The following ARMH4 variants were observed in gnomAD, a reference collection of about 807,000 sequenced individuals.
ARMH4 encodes armadillo like helical domain containing 4, also known as armadillo-like helical domain-containing protein 4.
ARMH4 carries 49 observed loss-of-function variants against 61.9 expected under a neutral mutation model. The observed-to-expected ratio is 0.79, with a 90% CI of 0.63 to 1.00. The LOEUF (loss-of-function observed/expected upper bound fraction) is 1.00, where lower values mean the gene tolerates loss of function less well. ARMH4 is among the 50% of genes least tolerant of loss of function. ARMH4 has a pLI of 0.00. For synonymous variants in ARMH4, 368 were observed against 341.5 expected, an observed-to-expected ratio of 1.08 and a Z score of -0.85; for missense variants, 934 against 930.0, an observed-to-expected ratio of 1.00 and a Z score of -0.06.
chr14:58,010,637 T>C (rs1882373968), intron 6 of ARMH4, among the ~76,000 whole-genome samples: 1 of 151,934 alleles, frequency 6.6e-6, no homozygotes, highest in Non-Finnish European at 1.5e-5. Context: ...TTTCTCTTGA[T>C]AAAAAGGAGC....
chr14:58,131,313 T>C, intron 4 of ARMH4, 199 bp downstream of exon 4: 1 of 493,328 alleles, frequency 2.0e-6, no homozygotes, highest in Admixed American at 3.7e-5. Flanking sequence ...TTTTCAATCA[T>C]TTCAAAATGT....
intron 4 of ARMH4, among the ~76,000 whole-genome samples, chr14:58,107,498 G>T (rs1247372339): frequency 1.3e-5 from 2 of 152,110 alleles, no homozygotes; most frequent in Admixed American, 6.5e-5. Context: ...GGATGCAGTG[G>T]CTCACGGCTG....
chr14:58,015,707 A>G (rs982361395), intron 5 of ARMH4, among the ~76,000 whole-genome samples: 2 of 151,482 alleles, frequency 1.3e-5, no homozygotes, highest in Admixed American at 6.6e-5. Flanking sequence ...AAATGATAAG[A>G]GAATGCAATG....
intron 5 of ARMH4, among the ~76,000 whole-genome samples, chr14:58,091,448 T>C (rs973664130): frequency 2.0e-5 from 3 of 152,310 alleles, no homozygotes; most frequent in Non-Finnish European, 4.4e-5. Flanking sequence ...TCTGGACTTC[T>C]TGTTTTGAGG....
At position 58,123,103 on chromosome 14, in the gene ARMH4, A is replaced by G. The variant is rs1179552960; in HGVS notation, c.1831+8409T>C. Reference sequence around the variant, plus strand: ...CAGTCACTAGATACTTCTCCCAGCCACTAAGTTTTGACTGAGGAGCTTTAC... The same window carrying G: ...CAGTCACTAGATACTTCTCCCAGCCGCTAAGTTTTGACTGAGGAGCTTTAC... On this transcript the variant is annotated intron_variant, in intron 4 of 7. Transcript: ENST00000267485. Among the ~76,000 whole-genome samples the G allele has an allele frequency of 3.3e-5, 5 of 152,154 alleles. No individual in the cohort carries two copies. In the East Asian group the frequency reaches 9.6e-4, roughly 29 times the overall value.
At chr14:58,042,122 C>A (rs1156229505) in intron 5 of ARMH4, among the ~76,000 whole-genome samples, 1 of 152,118 alleles carries the variant, frequency 6.6e-6, no homozygotes, top group Non-Finnish European at 1.5e-5. Context: ...GAACTCTCCA[C>A]CCCAAGTCAA....
chr14:58,090,916 A>T (rs1885538288), intron 5 of ARMH4, among the ~76,000 whole-genome samples: 1 of 149,132 alleles, frequency 6.7e-6, no homozygotes, highest in African/African-American at 2.5e-5. Flanking sequence ...AAAAGAAAAA[A>T]AAGAAAGAAG....
rs1316881569 is a variant in ARMH4, at chr14:58,042,808, A to T, written c.2090-30658T>A. 2.6e-4 allele frequency among the ~76,000 whole-genome samples: 39 copies of T among 152,226 alleles called. 1 individual carries two copies. The highest frequency in any genetic ancestry group is 1.7e-3 in the East Asian group (9 of 5,190). On this transcript the variant is annotated intron_variant, in intron 5 of 7. Transcript: ENST00000267485. ...AATACAAACTACCATCAGAGAATAC[A>T]ATAAACACCTCTACACAAATAAACT...
At chr14:58,136,599 A>G (rs1431817373) in intron 2 of ARMH4, among the ~76,000 whole-genome samples, 20 of 152,160 alleles carry the variant, frequency 1.3e-4, no homozygotes, top group Admixed American at 1.3e-3. Flanking sequence ...TTCAATCTCA[A>G]CACCTTATAA....
chr14:58,016,472 A>C (rs1882619769), intron 5 of ARMH4, among the ~76,000 whole-genome samples: 1 of 152,210 alleles, frequency 6.6e-6, no homozygotes, highest in African/African-American at 2.4e-5. Flanking sequence ...TGATTGATTA[A>C]TTGGGTAGTA....
At chr14:58,100,001 A>C (rs1028480107) in intron 4 of ARMH4, among the ~76,000 whole-genome samples, 3 of 152,202 alleles carry the variant, frequency 2.0e-5, no homozygotes, top group Non-Finnish European at 4.4e-5. Context: ...CCTGGTGCAT[A>C]CTGGACAGGT....
chr14:58,022,661 A>G (rs944325176), intron 5 of ARMH4, among the ~76,000 whole-genome samples: 2 of 152,138 alleles, frequency 1.3e-5, no homozygotes, highest in Admixed American at 6.6e-5. Flanking sequence ...TCACCTCCCA[A>G]ATAAACTCCT....
chr14:58,119,114 T>A (rs1040683219), intron 4 of ARMH4, among the ~76,000 whole-genome samples: 17 of 152,334 alleles, frequency 1.1e-4, no homozygotes, highest in African/African-American at 3.4e-4. Flanking sequence ...GCAAAATCAA[T>A]GTAAATCTTT....
chr14:58,103,670 C>A (rs957865826), intron 4 of ARMH4, among the ~76,000 whole-genome samples: 1 of 151,962 alleles, frequency 6.6e-6, no homozygotes, highest in Non-Finnish European at 1.5e-5. Flanking sequence ...CTCACTACAG[C>A]CTCAACCTCC....
chr14:58,097,016 T>C (rs2141264191), intron 4 of ARMH4, 35 bp from the exon 5 acceptor site: 3 of 1,585,232 alleles, frequency 1.9e-6, no homozygotes, highest in East Asian at 2.2e-5. Flanking sequence ...AGCATAAACA[T>C]ATAATGAGTT....
At chr14:58,126,951 T>C (rs1033115287) in intron 4 of ARMH4, among the ~76,000 whole-genome samples, 1 of 151,892 alleles carries the variant, frequency 6.6e-6, no homozygotes, top group African/African-American at 2.4e-5. Flanking sequence ...TATAGGTGTG[T>C]GCTACCATGC....
At chr14:58,079,831 C>G (rs1362920519) in intron 5 of ARMH4, among the ~76,000 whole-genome samples, 1 of 152,092 alleles carries the variant, frequency 6.6e-6, no homozygotes, top group Non-Finnish European at 1.5e-5. Context: ...TGATCCTTAC[C>G]TGAGGGGAGC....
chr14:58,093,631 CT>C (rs2141259013), intron 5 of ARMH4, among the ~76,000 whole-genome samples: 1 of 152,290 alleles, frequency 6.6e-6, no homozygotes, highest in Admixed American at 6.5e-5. Flanking sequence ...GAAAGAGTTT[CT>C]ACTATTTTAC....
At chr14:58,072,289 T>C (rs899728397) in intron 5 of ARMH4, among the ~76,000 whole-genome samples, 1 of 152,218 alleles carries the variant, frequency 6.6e-6, no homozygotes, top group African/African-American at 2.4e-5. Context: ...GACTTATTGA[T>C]TATAAGACGT....
Sources: gnomAD v4.1 joint callset for allele counts (sites outside exome capture counted in the v4.1 genomes callset) on GRCh38, gnomAD v4.1.1 for gene constraint, MANE v1.5 for transcripts, NCBI Gene and HGNC (gene_info 2026-07-23, HGNC 2026-07-21) for gene names.